Variants in LHFPL2 observed in about 807,000 individuals in gnomAD.
The protein encoded by LHFPL2 is LHFPL tetraspan subfamily member 2 protein.
In LHFPL2, 7 loss-of-function variants were observed where a neutral mutation model predicts 17.5. That is an observed-to-expected ratio of 0.40 (90% CI 0.23 to 0.75). The LOEUF is 0.75. Ranked by LOEUF, LHFPL2 falls within the 30% of genes least tolerant of loss-of-function variation. The pLI, the probability that LHFPL2 is intolerant of heterozygous loss-of-function variation, is 0.37. For missense variants in LHFPL2, 241 were observed against 294.8 expected, an observed-to-expected ratio of 0.82 and a Z score of 1.34; for synonymous variants, 134 against 116.2, an observed-to-expected ratio of 1.15 and a Z score of -0.99.
At chr5:78,519,171 C>A (rs900150229) in intron 3 of LHFPL2, among the ~76,000 whole-genome samples, 1 of 151,654 alleles carries the variant, frequency 6.6e-6, no homozygotes, top group Non-Finnish European at 1.5e-5. Flanking sequence ...GAGAGAGACG[C>A]GAGGCAAGAG....
chr5:78,530,394 G>T (rs1371273501), intron 3 of LHFPL2, among the ~76,000 whole-genome samples: 1 of 152,180 alleles, frequency 6.6e-6, no homozygotes, highest in South Asian at 2.1e-4. Flanking sequence ...CACTAAGAAG[G>T]TTCACATGAA....
chr5:78,525,230 T>C (rs886502986), intron 3 of LHFPL2, among the ~76,000 whole-genome samples: 2 of 152,212 alleles, frequency 1.3e-5, no homozygotes, highest in African/African-American at 4.8e-5. Flanking sequence ...CGTCAAATGC[T>C]GACTATAGGA....
intron 3 of LHFPL2, among the ~76,000 whole-genome samples, chr5:78,517,150 AC>A (rs548276593): frequency 5.7e-4 from 86 of 151,862 alleles, no homozygotes; most frequent in African/African-American, 2.0e-3. Context: ...TTCTTACCTG[AC>A]CCCTCTTAAA....
rs143947991 is a variant in LHFPL2, at chr5:78,521,048, T to C, written c.-185-10650A>G. Among the ~76,000 whole-genome samples, 646 of 152,376 alleles carry C rather than the reference T, an allele frequency of 4.2e-3. 1 individual carries two copies. Among genetic ancestry groups the C allele is most frequent in the Non-Finnish European group, 6.9e-3 (471 of 68,044 alleles). ...AAAGGATTTCTATTTTGCTTTCTTA[T>C]ATATGTCAAGAAAGGTGCCAACTGA... On this transcript the variant is annotated intron_variant, in intron 3 of 4. Coordinates refer to ENST00000380345, the MANE Select transcript of LHFPL2 (RefSeq NM_005779.3).
chr5:78,548,170 C>T (rs1401042108), intron 3 of LHFPL2, among the ~76,000 whole-genome samples: 3 of 152,250 alleles, frequency 2.0e-5, no homozygotes, highest in East Asian at 1.9e-4. Context: ...ATGACTGTCA[C>T]GATCCTTGGC....
chr5:78,607,995 CAAG>C (rs1384113910), intron 2 of LHFPL2, among the ~76,000 whole-genome samples: 1 of 152,084 alleles, frequency 6.6e-6, no homozygotes, highest in Non-Finnish European at 1.5e-5. Flanking sequence ...TAGATGAACT[CAAG>C]AAAGTGTAAA....
chr5:78,584,247 A>T (rs1195553257), intron 2 of LHFPL2, among the ~76,000 whole-genome samples: 1 of 151,954 alleles, frequency 6.6e-6, no homozygotes, highest in Non-Finnish European at 1.5e-5. Flanking sequence ...CGTAGCTCGG[A>T]GTAATTTGAT....
At chr5:78,609,207 T>A (rs575111295) in intron 2 of LHFPL2, among the ~76,000 whole-genome samples, 2 of 152,130 alleles carry the variant, frequency 1.3e-5, no homozygotes, top group South Asian at 4.1e-4. Context: ...TTCATGCCTA[T>A]AATCCCAACA....
intron 1 of LHFPL2, among the ~76,000 whole-genome samples, chr5:78,638,590 C>T (rs1189471004): frequency 6.6e-6 from 1 of 152,184 alleles, no homozygotes; most frequent in African/African-American, 2.4e-5. Flanking sequence ...GTATGATTAG[C>T]TTCCTCTGTA....
Position 78,509,909 on chromosome 5 carries a change from A to G in LHFPL2, c.305T>C (p.Ile102Thr), listed in dbSNP as rs1248637672. 1 of 1,613,714 alleles carries G rather than the reference A, an allele frequency of 6.2e-7. No individual in the cohort carries two copies. Among genetic ancestry groups the G allele is most frequent in the South Asian group, 1.1e-5 (1 of 91,090 alleles). The change falls in exon 4 of 5, where the codon ATT becomes ACT. Residue 102 changes from isoleucine (I) to threonine (T), a missense_variant. Coordinates refer to ENST00000380345, the MANE Select transcript of LHFPL2 (RefSeq NM_005779.3). Reference sequence around the variant, plus strand: ...AATAAAGATTCCCACAGCCAGGAAAATAGCTGTGGCCTGCCAGAAGCCGCT... The same window carrying G: ...AATAAAGATTCCCACAGCCAGGAAAGTAGCTGTGGCCTGCCAGAAGCCGCT... ...IASGFWQATAIFLAVGIFILC... is the reference protein window; with the variant it reads ...IASGFWQATATFLAVGIFILC...
chr5:78,559,827 CAATT>C (rs1243565666), intron 3 of LHFPL2, among the ~76,000 whole-genome samples: 1 of 152,162 alleles, frequency 6.6e-6, no homozygotes, highest in Non-Finnish European at 1.5e-5. Context: ...AGTATCATAA[CAATT>C]AAACTGTGCA....
intron 1 of LHFPL2, among the ~76,000 whole-genome samples, chr5:78,640,704 T>C (rs1247682064): frequency 6.6e-6 from 1 of 152,190 alleles, no homozygotes; most frequent in African/African-American, 2.4e-5. Context: ...GATAACCAGT[T>C]AAAATTTTAG....
chr5:78,565,158 G>C lies in LHFPL2; in HGVS notation c.-244-287C>G, dbSNP rs73146006. Among the ~76,000 whole-genome samples the C allele has an allele frequency of 6.9e-3, 1,043 of 152,178 alleles. 14 individuals carry two copies. The highest frequency in any genetic ancestry group is 0.024 in the African/African-American group (1,006 of 41,518). On this transcript the variant is annotated intron_variant, in intron 2 of 4. Coordinates refer to ENST00000380345, the MANE Select transcript of LHFPL2 (RefSeq NM_005779.3). ...CATCGTTTCCTTTCCCCTCACAAGG[G>C]GACCAACTTAAAAATACAACTTGTG...
At chr5:78,614,372 G>C (rs1744524839) in intron 2 of LHFPL2, among the ~76,000 whole-genome samples, 1 of 152,200 alleles carries the variant, frequency 6.6e-6, no homozygotes, top group African/African-American at 2.4e-5. Flanking sequence ...GTGGGAGATG[G>C]CAAGAAAGCT....
intron 2 of LHFPL2, among the ~76,000 whole-genome samples, chr5:78,577,964 C>T (rs1465381456): frequency 2.0e-5 from 3 of 152,152 alleles, no homozygotes; most frequent in African/African-American, 7.2e-5. Context: ...GAGATGTTTA[C>T]CTGACCCCAA....
intron 3 of LHFPL2, among the ~76,000 whole-genome samples, chr5:78,528,169 T>A: frequency 6.6e-6 from 1 of 152,120 alleles, no homozygotes; most frequent in East Asian, 1.9e-4. Context: ...GGCTTCCAAG[T>A]TCTATTGTTC....
intron 2 of LHFPL2, among the ~76,000 whole-genome samples, chr5:78,623,936 C>A (rs1469346366): frequency 2.6e-5 from 4 of 152,214 alleles, no homozygotes; most frequent in African/African-American, 9.6e-5. Flanking sequence ...GTTCAAACAC[C>A]AGACTATAAG....
intron 2 of LHFPL2, among the ~76,000 whole-genome samples, chr5:78,594,587 T>G (rs1743762657): frequency 6.6e-6 from 1 of 152,224 alleles, no homozygotes; most frequent in Non-Finnish European, 1.5e-5. Flanking sequence ...AGTCAGTTCA[T>G]AGCCAGAGCC....
chr5:78,543,580 C>A (rs1332084348), intron 3 of LHFPL2, among the ~76,000 whole-genome samples: 1 of 152,186 alleles, frequency 6.6e-6, no homozygotes, highest in East Asian at 1.9e-4. Context: ...CTGAGAGAAT[C>A]CTCAGACCCC....
Sources: gnomAD v4.1 joint callset for allele counts (sites outside exome capture counted in the v4.1 genomes callset) on GRCh38, gnomAD v4.1.1 for gene constraint, MANE v1.5 for transcripts, NCBI Gene and HGNC (gene_info 2026-07-23, HGNC 2026-07-21) for gene names.